ULK2: variants seen among roughly 807,000 people sequenced by gnomAD.
The protein encoded by ULK2 is unc-51 like autophagy activating kinase 2, also known as serine/threonine-protein kinase ULK2.
In ULK2, 76 loss-of-function variants were observed where a neutral mutation model predicts 127.5. The ratio of observed to expected loss-of-function variants is 0.60; its 90% CI spans 0.50 to 0.72. The LOEUF (loss-of-function observed/expected upper bound fraction) is 0.72, where lower values mean the gene tolerates loss of function less well. Ranked by LOEUF, ULK2 falls within the 30% of genes least tolerant of loss-of-function variation. ULK2 has a pLI of 0.00. For synonymous variants in ULK2, 452 were observed against 461.9 expected (o/e 0.98, Z 0.28); for missense variants, 1,144 against 1,295.9 (o/e 0.88, Z 1.80).
intron 15 of ULK2, among the ~76,000 whole-genome samples, chr17:19,804,149 G>A (rs567498728): frequency 1.3e-5 from 2 of 152,020 alleles, no homozygotes; most frequent in South Asian, 4.2e-4. Context: ...TTGAGAGGCT[G>A]AGACGGGAGG....
At chr17:19,859,566 AT>A (rs1397941993) in intron 3 of ULK2, among the ~76,000 whole-genome samples, 1 of 152,198 alleles carries the variant, frequency 6.6e-6, no homozygotes, top group Non-Finnish European at 1.5e-5. Flanking sequence ...ACTTCAAGGA[AT>A]TTATTCTACA....
intron 25 of ULK2, among the ~76,000 whole-genome samples, chr17:19,779,172 C>G (rs190774897): frequency 1.3e-5 from 2 of 152,182 alleles, no homozygotes; most frequent in African/African-American, 4.8e-5. Context: ...TGTAATATAA[C>G]AGCACAGTTC....
At chr17:19,822,833 C>T (rs2041190343) in intron 12 of ULK2, among the ~76,000 whole-genome samples, 1 of 151,974 alleles carries the variant, frequency 6.6e-6, no homozygotes, top group Non-Finnish European at 1.5e-5. Context: ...ACTACAGGCG[C>T]GTGCCACCAT....
intron 13 of ULK2, among the ~76,000 whole-genome samples, chr17:19,814,445 T>A (rs1290258655): frequency 0.042 from 1,072 of 25,322 alleles, 54 homozygotes; most frequent in African/African-American, 0.14. Flanking sequence ...TATATTTTTT[T>A]TTTTTTTTTT....
At chr17:19,835,360 C>A (rs1369014052) in intron 10 of ULK2, among the ~76,000 whole-genome samples, 1 of 150,986 alleles carries the variant, frequency 6.6e-6, no homozygotes, top group Non-Finnish European at 1.5e-5. Flanking sequence ...GCTTAACAGG[C>A]ATGAGCCACC....
intron 1 of ULK2, among the ~76,000 whole-genome samples, 173 bp from the exon 2 acceptor site, chr17:19,866,001 C>G (rs2042343611): frequency 6.6e-6 from 1 of 152,090 alleles, no homozygotes; most frequent in Non-Finnish European, 1.5e-5. Flanking sequence ...ATGCCAAGAT[C>G]CTACAACACA....
At position 19,848,670 on chromosome 17, in the gene ULK2, G is replaced by C. The variant is rs148197711; in HGVS notation, c.295+699C>G. On this transcript the variant is annotated intron_variant, in intron 5 of 26. Transcript: ENST00000395544. ...TATGCACCTGTAATCCCAGCTACTC[G>C]GGAGGCTGAGGCAGGAGAATCACTT... Among the ~76,000 whole-genome samples the C allele has an allele frequency of 4.8e-3, 724 of 152,052 alleles. 25 individuals are homozygous for C. The East Asian group carries it at 0.088, about 19-fold the overall frequency.
At chr17:19,808,606 A>G (rs185159107) in intron 14 of ULK2, among the ~76,000 whole-genome samples, 2 of 152,336 alleles carry the variant, frequency 1.3e-5, no homozygotes, top group East Asian at 1.9e-4. Context: ...CAATTTAAAA[A>G]TGGGCAAAGA....
At chr17:19,819,381 C>G (rs1471916964) in intron 12 of ULK2, among the ~76,000 whole-genome samples, 6 of 152,122 alleles carry the variant, frequency 3.9e-5, no homozygotes, top group Non-Finnish European at 1.5e-5. Flanking sequence ...TTCTGAGTCT[C>G]TTTTGTGAGT....
At chr17:19,826,951 C>A (rs1328441362) in intron 10 of ULK2, among the ~76,000 whole-genome samples, 2 of 148,164 alleles carry the variant, frequency 1.3e-5, no homozygotes, top group African/African-American at 2.5e-5. Context: ...AGCGAGACTC[C>A]GTCTCAAAAA....
At chr17:19,837,621 A>G (rs1057282772) in intron 10 of ULK2, among the ~76,000 whole-genome samples, 1 of 152,056 alleles carries the variant, frequency 6.6e-6, no homozygotes, top group African/African-American at 2.4e-5. Flanking sequence ...CTTTCCCATC[A>G]CTGTAATCGA....
intron 10 of ULK2, among the ~76,000 whole-genome samples, chr17:19,830,749 T>C (rs1456105653): frequency 6.6e-6 from 1 of 152,080 alleles, no homozygotes; most frequent in Non-Finnish European, 1.5e-5. Flanking sequence ...TACTTGAGGC[T>C]GGGCGCAGTG....
rs189533076 is a variant in ULK2, at chr17:19,836,364, G to A, written c.787+2137C>T. ...ACGGAGGTTGCAGTGAGCCGAGATC[G>A]CGCCACTGCACTCCAGCCTGGGCAA... On this transcript the variant is annotated intron_variant, in intron 10 of 26. Coordinates refer to ENST00000395544, the MANE Select transcript of ULK2 (RefSeq NM_014683.4). 6.0e-4 allele frequency among the ~76,000 whole-genome samples: 91 copies of A among 150,914 alleles called. No homozygotes were observed. In the East Asian group the frequency reaches 0.011, roughly 18 times the overall value.
At chr17:19,816,585 A>T in intron 13 of ULK2, 164 bp downstream of exon 13, 1 of 609,328 alleles carries the variant, frequency 1.6e-6, no homozygotes, top group East Asian at 3.5e-5. Flanking sequence ...TGATTGAGCA[A>T]ATTTTAAAAA....
Position 19,845,325 on chromosome 17 carries a change from C to G in ULK2, c.522G>C (p.Leu174=), listed in dbSNP as rs1358351893. The G allele has an allele frequency of 6.2e-7, 1 of 1,613,896 alleles. No individual in the cohort carries two copies. The highest frequency in any genetic ancestry group is 2.2e-5 in the East Asian group (1 of 44,852). ...TCACCATGTACATCGGGGATCCACA[C>G]AGTGTTGCAGCCATCATGTTACTAT... The part of the protein sequence containing the change: ...YLHSNMMAAT[L]CGSPMYMAPE... The change falls in exon 7 of 27, where the codon CTG becomes CTC. Residue 174 remains leucine, a synonymous_variant. Transcript: ENST00000395544.
intron 7 of ULK2, among the ~76,000 whole-genome samples, chr17:19,843,651 A>G (rs903904676): frequency 2.0e-5 from 3 of 150,732 alleles, no homozygotes; most frequent in Admixed American, 6.6e-5. Context: ...TGTCTCCAAA[A>G]TATTTTTTCT....
chr17:19,790,136 G>T (rs190614907), intron 20 of ULK2, among the ~76,000 whole-genome samples: 205 of 152,286 alleles, frequency 1.3e-3, no homozygotes, highest in Non-Finnish European at 2.6e-3. Flanking sequence ...AATGGATAGG[G>T]CCGGGAGTGG....
rs540759810 is a variant in ULK2, at chr17:19,845,896, G to A, written c.470-519C>T. On this transcript the variant is annotated intron_variant, in intron 6 of 26. Coordinates refer to ENST00000395544, the MANE Select transcript of ULK2 (RefSeq NM_014683.4). Reference sequence around the variant, plus strand: ...GGCTGAGGTGGGCAGATCACCTAAAGTCAGGAGCTCGAGACCAGCCTGGCC... The same window carrying A: ...GGCTGAGGTGGGCAGATCACCTAAAATCAGGAGCTCGAGACCAGCCTGGCC... 3.3e-3 allele frequency among the ~76,000 whole-genome samples: 507 copies of A among 152,140 alleles called. 1 individual carries two copies. The highest frequency in any genetic ancestry group is 5.8e-3 in the Non-Finnish European group (395 of 68,004).
intron 14 of ULK2, 23 bp downstream of exon 14, chr17:19,810,355 T>C (rs1260888202): frequency 3.3e-6 from 5 of 1,502,496 alleles, no homozygotes; most frequent in Non-Finnish European, 4.5e-6. Flanking sequence ...CAAATTTTAA[T>C]AAGATAATGT....
Sources: allele counts gnomAD v4.1 joint callset (sites outside exome capture counted in the v4.1 genomes callset), GRCh38; gene constraint gnomAD v4.1.1; transcripts MANE v1.5; gene names NCBI Gene and HGNC (gene_info 2026-07-23, HGNC 2026-07-21).